Variants in LIMS2 observed in about 807,000 individuals in gnomAD.
The protein encoded by LIMS2 is LIM zinc finger domain containing 2.
In LIMS2, 30 loss-of-function variants were observed where a neutral mutation model predicts 45.3. The ratio of observed to expected loss-of-function variants is 0.66; its 90% CI spans 0.50 to 0.90. LIMS2 has a LOEUF of 0.90. Among genes scored for constraint, LIMS2 ranks in the 40% least tolerant of loss-of-function variants. The pLI is 0.00. For synonymous variants in LIMS2, 173 were observed against 188.0 expected (o/e 0.92, Z 0.65); for missense variants, 485 against 468.7 (o/e 1.03, Z -0.32).
At chr2:127,650,443 G>A (rs745504909) in intron 4 of LIMS2, 52 of 547,088 alleles carry the variant, frequency 9.5e-5, no homozygotes, top group Non-Finnish European at 1.6e-4. Context: ...CAGCTCTGAG[G>A]AGCCTCAGAT....
chr2:127,673,568 T>C (rs1685368702), intron 1 of LIMS2: 1 of 1,145,452 alleles, frequency 8.7e-7, no homozygotes, highest in Admixed American at 2.0e-5. Context: ...AAGAGGACCC[T>C]TGCCAGGGAG....
intron 1 of LIMS2, among the ~76,000 whole-genome samples, chr2:127,660,891 GC>G (rs1684597400): frequency 1.5e-5 from 2 of 136,522 alleles, no homozygotes; most frequent in South Asian, 5.3e-4. Context: ...GCTGCCTGTG[GC>G]CGACAGTATC....
At chr2:127,648,651 CAGCACTTTGGGAGGCCAAGG>C (rs908635282) in intron 4 of LIMS2, among the ~76,000 whole-genome samples, 11 of 152,178 alleles carry the variant, frequency 7.2e-5, no homozygotes, top group Non-Finnish European at 1.0e-4. Flanking sequence ...CCTGTAATCC[CAGCACTTTGGGAGGCCAAGG>C]AGCACTTTGG....
upstream of LIMS2, among the ~76,000 whole-genome samples, chr2:127,679,271 G>A (rs1174016357): frequency 6.6e-6 from 1 of 152,046 alleles, no homozygotes; most frequent in African/African-American, 2.4e-5. This position sits in a 1 kb window ranked among gnomAD's most constrained non-coding sequence, Gnocchi z 5.3. Flanking sequence ...TGCACACAGT[G>A]CCCCTGGGGG....
upstream of LIMS2, among the ~76,000 whole-genome samples, chr2:127,675,590 G>A (rs1016032460): frequency 6.6e-6 from 1 of 151,996 alleles, no homozygotes; most frequent in African/African-American, 2.4e-5. Flanking sequence ...ACGCGAACAA[G>A]CACCCCCACC....
intron 4 of LIMS2, chr2:127,651,384 C>T (rs373144637): frequency 4.0e-5 from 65 of 1,612,634 alleles, no homozygotes; most frequent in Non-Finnish European, 4.9e-5. Context: ...GCTGATCATC[C>T]GCAGCCTGCG....
At chr2:127,652,893 G>A (rs1333357527) in intron 4 of LIMS2, among the ~76,000 whole-genome samples, 1 of 152,222 alleles carries the variant, frequency 6.6e-6, no homozygotes, top group Non-Finnish European at 1.5e-5. Flanking sequence ...TAGCATGTTT[G>A]ACTTTCCAAA....
intron 1 of LIMS2, among the ~76,000 whole-genome samples, chr2:127,660,383 A>G (rs948386217): frequency 4.6e-5 from 7 of 152,164 alleles, no homozygotes; most frequent in African/African-American, 1.4e-4. Flanking sequence ...TTGCTGCTGC[A>G]CGTTCTTTGG....
rs763162274 is a variant in LIMS2, at chr2:127,654,412, C to A, written c.359+12G>T. ...TGGCCCAGTCCTCTCTGGCCCAACACGGCCACCTCACCTGCCGGCATTCTT... is the reference window on the plus strand; with the variant it reads ...TGGCCCAGTCCTCTCTGGCCCAACAAGGCCACCTCACCTGCCGGCATTCTT... On this transcript the variant is annotated intron_variant, in intron 4 of 9. Coordinates refer to ENST00000355119, the MANE Select transcript of LIMS2 (RefSeq NM_001161403.3). 1 of 1,613,904 alleles carries A rather than the reference C, an allele frequency of 6.2e-7. No individual in the cohort carries two copies. Among genetic ancestry groups the A allele is most frequent in the South Asian group, 1.1e-5 (1 of 91,084 alleles).
chr2:127,645,563 C>T lies in LIMS2; in HGVS notation c.360-2491G>A, dbSNP rs553303135. On this transcript the variant is annotated intron_variant, in intron 4 of 9. Transcript: ENST00000355119. Reference sequence around the variant, plus strand: ...ACCCGGCCTCTGAGCTGAGCCGCATCCTCACGGACAGGACAGCGCCCCATT... The same window carrying T: ...ACCCGGCCTCTGAGCTGAGCCGCATTCTCACGGACAGGACAGCGCCCCATT... 2.7e-3 allele frequency among the ~76,000 whole-genome samples: 410 copies of T among 152,340 alleles called. 1 individual carries two copies. The highest frequency in any genetic ancestry group is 4.7e-3 in the Non-Finnish European group (322 of 68,024).
chr2:127,670,487 A>AG (rs1321537701), intron 1 of LIMS2, among the ~76,000 whole-genome samples: 1 of 152,242 alleles, frequency 6.6e-6, no homozygotes, highest in Non-Finnish European at 1.5e-5. Context: ...GGGGGAAATG[A>AG]GGACTGTCTG....
chr2:127,657,678 A>G (rs2105304665), intron 1 of LIMS2, 116 bp from the exon 2 acceptor site: 2 of 1,156,560 alleles, frequency 1.7e-6, no homozygotes, highest in Non-Finnish European at 2.4e-6. Context: ...GACGCTCTGC[A>G]GGATCAGGAA....
chr2:127,655,150 G>T (rs1684171512), intron 2 of LIMS2: 5 of 585,854 alleles, frequency 8.5e-6, no homozygotes, highest in East Asian at 5.8e-5. Flanking sequence ...AGGGCCACTG[G>T]TGTCTACTGA....
intron 4 of LIMS2, chr2:127,652,355 C>T (rs1485363356): frequency 5.8e-6 from 1 of 171,112 alleles, no homozygotes; most frequent in Non-Finnish European, 1.4e-5. Context: ...GCTCTGGATT[C>T]TGGATCTCTC....
At chr2:127,649,890 T>TCC in intron 4 of LIMS2, 2 of 800,576 alleles carry the variant, frequency 2.5e-6, no homozygotes, top group Non-Finnish European at 4.0e-6. Flanking sequence ...AAATGGGTCT[T>TCC]CCCCTCCTGG....
intron 1 of LIMS2, among the ~76,000 whole-genome samples, chr2:127,669,512 G>A (rs1225919405): frequency 6.6e-6 from 1 of 151,948 alleles, no homozygotes; most frequent in African/African-American, 2.4e-5. Context: ...TCAGGAGTTT[G>A]AGACCAGCCT....
chr2:127,673,066 C>T (rs1200736556), intron 1 of LIMS2, among the ~76,000 whole-genome samples: 1 of 152,198 alleles, frequency 6.6e-6, no homozygotes, highest in Non-Finnish European at 1.5e-5. Context: ...GATGTCTGTT[C>T]CTCACAGACT....
intron 1 of LIMS2, among the ~76,000 whole-genome samples, chr2:127,657,888 GCTA>G (rs911616014): frequency 1.3e-5 from 2 of 152,206 alleles, no homozygotes; most frequent in Non-Finnish European, 1.5e-5. Flanking sequence ...CAATACTGCA[GCTA>G]CTATTATTAT....
Position 127,647,201 on chromosome 2 carries a change from C to T in LIMS2, c.360-4129G>A, listed in dbSNP as rs181386097. On this transcript the variant is annotated intron_variant, in intron 4 of 9. Transcript: ENST00000355119. This position sits in a 1 kb window ranked among gnomAD's most constrained non-coding sequence, Gnocchi z 4.3. The stretch of plus-strand genomic sequence containing the variant: ...TTTTGAGCAAGGGGCTGCACATTCT[C>T]ATTTCATACATGGGCCCCTAAAATG... Among the ~76,000 whole-genome samples, 45 of 152,304 alleles carry T rather than the reference C, an allele frequency of 3.0e-4. No individual in the cohort carries two copies. Among genetic ancestry groups the T allele is most frequent in the Non-Finnish European group, 4.4e-5 (3 of 68,012 alleles).
Sources: allele counts gnomAD v4.1 joint callset (sites outside exome capture counted in the v4.1 genomes callset), GRCh38; gene constraint gnomAD v4.1.1; non-coding constraint Gnocchi (gnomAD v3.1); transcripts MANE v1.5; gene names NCBI Gene and HGNC (gene_info 2026-07-23, HGNC 2026-07-21).